The following RIGI variants were observed in gnomAD, a reference collection of about 807,000 sequenced individuals.
RIGI encodes the protein antiviral innate immune response receptor RIG-I.
At chr9:32,466,260 T>A in the RIGI span, 1 of 1,609,980 alleles carries the variant, frequency 6.2e-7, no homozygotes. Context: ...TTATTTATGG[T>A]CAGATGCTGG....
At chr9:32,473,536 C>T in the RIGI span, among the ~76,000 whole-genome samples, 42 of 152,116 alleles carry the variant, frequency 2.8e-4, no homozygotes, top group Non-Finnish European at 4.9e-4. Flanking sequence ...CCACCCACCT[C>T]ATCCTCCCAA....
the RIGI span, among the ~76,000 whole-genome samples, chr9:32,506,175 G>A: frequency 3.9e-3 from 598 of 152,226 alleles, 3 homozygotes; most frequent in African/African-American, 0.013. Flanking sequence ...CTGAGATTGC[G>A]CCACTGCACT....
the RIGI span, among the ~76,000 whole-genome samples, chr9:32,509,574 A>G: frequency 2.6e-5 from 4 of 152,320 alleles, no homozygotes; most frequent in South Asian, 2.1e-4. Flanking sequence ...ATCCACACAG[A>G]TAACTCATCT....
chr9:32,460,625 CAT>C, the RIGI span, among the ~76,000 whole-genome samples: 548 of 152,130 alleles, frequency 3.6e-3, 4 homozygotes, highest in African/African-American at 0.012. Flanking sequence ...AAATGGAAGA[CAT>C]AAAGTTTAGA....
the RIGI span, among the ~76,000 whole-genome samples, chr9:32,519,728 G>A: frequency 3.9e-5 from 6 of 152,052 alleles, no homozygotes; most frequent in Non-Finnish European, 5.9e-5. Flanking sequence ...TATTGATTGG[G>A]CTTTCTCTCA....
chr9:32,491,478 G>A, the RIGI span: 6 of 1,404,724 alleles, frequency 4.3e-6, no homozygotes, highest in African/African-American at 5.9e-5. Flanking sequence ...AGTTTTGATG[G>A]TGAAAGCTCC....
chr9:32,487,381 G>T, the RIGI span: 1 of 1,274,818 alleles, frequency 7.8e-7, no homozygotes, highest in Non-Finnish European at 1.1e-6. Context: ...CAGAGAGAGG[G>T]TCAAAGTTCA....
At chr9:32,507,206 C>T in the RIGI span, among the ~76,000 whole-genome samples, 1 of 152,128 alleles carries the variant, frequency 6.6e-6, no homozygotes, top group Admixed American at 6.5e-5. Context: ...GACATTTGCC[C>T]AGTATCACAG....
chr9:32,457,566 A>T, the RIGI span: 2 of 734,766 alleles, frequency 2.7e-6, no homozygotes, highest in Non-Finnish European at 2.1e-6. Context: ...GAGGAAAAAA[A>T]AAAATAGATT....
At chr9:32,492,678 A>C in the RIGI span, 1 of 939,920 alleles carries the variant, frequency 1.1e-6, no homozygotes, top group Admixed American at 2.5e-5. Flanking sequence ...TATCCATGAC[A>C]ATTTTTGCCC....
the RIGI span, chr9:32,457,494 AAAAG>A: frequency 6.2e-6 from 7 of 1,134,350 alleles, no homozygotes; most frequent in Admixed American, 1.5e-4. Context: ...AAAAAAAAAA[AAAAG>A]AAAACCCCAC....
the RIGI span, among the ~76,000 whole-genome samples, chr9:32,484,417 TAAAACTC>T: frequency 6.6e-6 from 1 of 152,254 alleles, no homozygotes. Context: ...TTAACATCCC[TAAAACTC>T]AAAACTCAAA....
At chr9:32,509,018 G>A in the RIGI span, among the ~76,000 whole-genome samples, 2 of 152,114 alleles carry the variant, frequency 1.3e-5, no homozygotes, top group African/African-American at 4.8e-5. Flanking sequence ...ACTGCAGCTT[G>A]GCAAAGCCAC....
the RIGI span, among the ~76,000 whole-genome samples, chr9:32,518,721 G>A: frequency 1.3e-5 from 2 of 152,220 alleles, no homozygotes; most frequent in African/African-American, 4.8e-5. Flanking sequence ...ATAAAAGCCA[G>A]ATATAGCAAC....
chr9:32,481,577 A>G, the RIGI span: 2 of 1,048,640 alleles, frequency 1.9e-6, no homozygotes, highest in South Asian at 1.7e-5. Context: ...TCACCCTCTA[A>G]TTTTCTTTTT....
the RIGI span, among the ~76,000 whole-genome samples, chr9:32,470,227 G>A: frequency 6.6e-6 from 1 of 152,194 alleles, no homozygotes; most frequent in Non-Finnish European, 1.5e-5. Flanking sequence ...AGTTCTGGAT[G>A]TGAATAGTAA....
chr9:32,499,338 G>GTTTTTTTTTT, the RIGI span, among the ~76,000 whole-genome samples: 1 of 24,214 alleles, frequency 4.1e-5, no homozygotes, highest in Admixed American at 4.0e-4. Context: ...TTTTTTTTTT[G>GTTTTTTTTTT]CTTTCTTTAT....
the RIGI span, among the ~76,000 whole-genome samples, chr9:32,466,878 C>T: frequency 6.6e-6 from 1 of 152,078 alleles, no homozygotes; most frequent in Non-Finnish European, 1.5e-5. Flanking sequence ...CAGTATGACA[C>T]TGTGATGGCT....
At chr9:32,473,918 C>T in the RIGI span, among the ~76,000 whole-genome samples, 1 of 152,164 alleles carries the variant, frequency 6.6e-6, no homozygotes, top group African/African-American at 2.4e-5. Flanking sequence ...GTCTCAGCTA[C>T]TCAGGAAGCT....
Sources: allele counts gnomAD v4.1 joint callset (sites outside exome capture counted in the v4.1 genomes callset), GRCh38; gene constraint gnomAD v4.1.1; transcripts MANE v1.5; gene names NCBI Gene and HGNC (gene_info 2026-07-23, HGNC 2026-07-21).